Variants in MED13 observed in about 807,000 individuals in gnomAD.
MED13 encodes mediator complex subunit 13, also known as mediator of RNA polymerase II transcription subunit 13.
Under a neutral mutation model 225.2 loss-of-function variants are expected in MED13, and 23 were observed. The ratio of observed to expected loss-of-function variants is 0.10; its 90% confidence interval spans 0.07 to 0.14. The LOEUF (loss-of-function observed/expected upper bound fraction) is 0.14, where lower values mean the gene tolerates loss of function less well. Ranked by LOEUF, MED13 falls within the 10% of genes least tolerant of loss-of-function variation. MED13 has a pLI of 1.00. For missense variants in MED13, 2,197 were observed against 2,594.5 expected, an observed-to-expected ratio of 0.85 and a Z score of 3.33; for synonymous variants, 942 against 889.2, an observed-to-expected ratio of 1.06 and a Z score of -1.06.
intron 15 of MED13, 147 bp from the exon 16 acceptor site, chr17:61,983,261 C>T: frequency 1.5e-6 from 1 of 664,734 alleles, no homozygotes; most frequent in South Asian, 2.3e-5. Context: ...CAAGCACAGT[C>T]AATTCTTATT....
At chr17:61,984,125 A>T (rs751511128) in intron 15 of MED13, 46 bp downstream of exon 15, 5 of 1,291,728 alleles carry the variant, frequency 3.9e-6, no homozygotes, top group Non-Finnish European at 5.1e-6. Flanking sequence ...AAAAAAATTA[A>T]AGCTGTATAA....
Position 61,962,907 on chromosome 17 carries a change from G to C in MED13, c.4909C>G (p.Pro1637Ala). 6.2e-7 allele frequency: 1 copy of C among 1,614,042 alleles called. No homozygotes were observed. The highest frequency in any genetic ancestry group is 8.5e-7 in the Non-Finnish European group (1 of 1,179,998). The change falls in exon 21 of 30, where the codon CCT (proline) becomes GCT (alanine). Residue 1637 changes from proline (P) to alanine (A), a missense_variant. Physicochemically the swap from Pro to Ala is conservative, Grantham distance 27 (BLOSUM62 -1). Transcript: ENST00000397786. ...DGDSHAVTYP[P>A]AIVVYIIDPF... ...TCAATTATATAAACAACAATTGCAG[G>C]TGGATACGTGACTGCATGTGAATCA... is the stretch of plus-strand genomic sequence containing the variant.
intron 16 of MED13, among the ~76,000 whole-genome samples, chr17:61,975,792 G>C (rs2080150281): frequency 6.6e-6 from 1 of 152,204 alleles, no homozygotes; most frequent in Admixed American, 6.5e-5. Context: ...GAGGCAGGCA[G>C]GTCACCTGAG....
intron 8 of MED13, among the ~76,000 whole-genome samples, chr17:62,020,091 G>A (rs1489786178): frequency 6.6e-6 from 1 of 151,712 alleles, no homozygotes; most frequent in Non-Finnish European, 1.5e-5. Flanking sequence ...AGCAATCTTT[G>A]TAAAAAAAAG....
intron 24 of MED13, 61 bp from the exon 25 acceptor site, chr17:61,955,899 T>A: frequency 7.0e-7 from 1 of 1,437,100 alleles, no homozygotes; most frequent in Non-Finnish European, 9.1e-7. Flanking sequence ...AACAGCATTA[T>A]TAATATCCTG....
Position 61,946,714 on chromosome 17 carries a change from G to T in MED13, c.6393-114C>A. 6 of 1,306,466 alleles carry T rather than the reference G, an allele frequency of 4.6e-6. No individual in the cohort carries two copies. The South Asian group carries it at 7.9e-5, about 17-fold the overall frequency. 80.9% of individuals were successfully genotyped at this position (1,306,466 alleles called of 1,614,324 possible). On this transcript the variant is annotated intron_variant, in intron 29 of 29. Coordinates refer to ENST00000397786, the MANE Select transcript of MED13 (RefSeq NM_005121.3). ...AGTCACCTTAAAAAAGAGTGTAACAGAGAGTCCTTGAGGGGAAAGAAGCAA... is the reference window on the plus strand; with the variant it reads ...AGTCACCTTAAAAAAGAGTGTAACATAGAGTCCTTGAGGGGAAAGAAGCAA...
chr17:61,975,084 C>T (rs977308911), intron 16 of MED13, among the ~76,000 whole-genome samples: 7 of 151,596 alleles, frequency 4.6e-5, no homozygotes, highest in African/African-American at 1.7e-4. Context: ...CGGGAGGATC[C>T]CTTGAATCCA....
At position 61,984,982 on chromosome 17, in the gene MED13, C is replaced by T. The variant is rs2080235546; in HGVS notation, c.2476+18G>A. ...AAAGTTCGCAAATTTATCTCGAGCA[C>T]AGATGAGGGAAGCTTACTTATGCAA... On this transcript the variant is annotated intron_variant, in intron 13 of 29. Transcript: ENST00000397786. 6.2e-7 allele frequency: 1 copy of T among 1,611,536 alleles called. No individual in the cohort carries two copies. Among genetic ancestry groups the T allele is most frequent in the Admixed American group, 1.7e-5 (1 of 59,596 alleles).
chr17:61,994,592 C>G (rs2080331667), intron 10 of MED13, among the ~76,000 whole-genome samples: 1 of 152,196 alleles, frequency 6.6e-6, no homozygotes, highest in South Asian at 2.1e-4. Context: ...TCAATTATGA[C>G]AAGTTTAATA....
At chr17:62,046,556 T>C (rs2080899538) in intron 3 of MED13, among the ~76,000 whole-genome samples, 1 of 152,256 alleles carries the variant, frequency 6.6e-6, no homozygotes. Context: ...AGTTGTATTT[T>C]TGGCCAGGTA....
At chr17:62,048,043 C>CATATACATATATATAT (rs776069700) in intron 3 of MED13, among the ~76,000 whole-genome samples, 86 of 131,022 alleles carry the variant, frequency 6.6e-4, no homozygotes, top group East Asian at 6.2e-3. Context: ...TATACATATA[C>CATATACATATATATAT]ATATATATAT....
chr17:62,014,001 T>G (rs2080536762), intron 8 of MED13, among the ~76,000 whole-genome samples: 2 of 152,036 alleles, frequency 1.3e-5, no homozygotes, highest in Non-Finnish European at 2.9e-5. Context: ...ATCACACCAC[T>G]GCACTCCAGC....
At chr17:62,015,478 A>G (rs1167833452) in intron 8 of MED13, among the ~76,000 whole-genome samples, 1 of 152,148 alleles carries the variant, frequency 6.6e-6, no homozygotes, top group Non-Finnish European at 1.5e-5. Flanking sequence ...GCATGATTCC[A>G]TTTGTGTGAA....
rs558306446 is a variant in MED13, at chr17:61,980,045, C to T, written c.3805+2153G>A. 1.4e-4 allele frequency among the ~76,000 whole-genome samples: 22 copies of T among 152,130 alleles called. No homozygotes were observed. In the South Asian group the frequency reaches 3.7e-3, roughly 26 times the overall value. ...CTCTACTAAAATACAAAAAATTAGC[C>T]GGGTGTGGTGGCGTGCACCTGTAGT... On this transcript the variant is annotated intron_variant, in intron 16 of 29. Coordinates refer to ENST00000397786, the MANE Select transcript of MED13 (RefSeq NM_005121.3).
chr17:61,978,207 T>C (rs1336579116), intron 16 of MED13, among the ~76,000 whole-genome samples: 1 of 151,600 alleles, frequency 6.6e-6, no homozygotes, highest in Non-Finnish European at 1.5e-5. Context: ...TGGAGCGAAA[T>C]GGCAGGATCT....
chr17:61,955,044 A>G (rs540488637), intron 26 of MED13, among the ~76,000 whole-genome samples: 4 of 152,310 alleles, frequency 2.6e-5, no homozygotes, highest in African/African-American at 9.6e-5. Context: ...GTCTAGAACT[A>G]TATTCTTTGG....
intron 16 of MED13, among the ~76,000 whole-genome samples, chr17:61,981,611 T>A (rs1346264632): frequency 6.6e-6 from 1 of 152,228 alleles, no homozygotes; most frequent in South Asian, 2.1e-4. Flanking sequence ...CTCATTTAAC[T>A]ACATAGCTCA....
intron 2 of MED13, 88 bp downstream of exon 2, chr17:62,062,979 A>C (rs2081053262): frequency 1.0e-6 from 1 of 1,002,444 alleles, no homozygotes; most frequent in South Asian, 1.8e-5. Context: ...TCCCACAAAA[A>C]CAAACTTAAT....
At chr17:62,048,045 T>TATACATATAC (rs200841910) in intron 3 of MED13, among the ~76,000 whole-genome samples, 7,780 of 131,434 alleles carry the variant, frequency 0.059, 331 homozygotes, top group South Asian at 0.24. Context: ...TACATATACA[T>TATACATATAC]ATATATATAT....
Sources: allele counts gnomAD v4.1 joint callset (sites outside exome capture counted in the v4.1 genomes callset), GRCh38; gene constraint gnomAD v4.1.1; transcripts MANE v1.5; gene names NCBI Gene and HGNC (gene_info 2026-07-23, HGNC 2026-07-21).